The following CDC42BPA variants were observed in gnomAD, a reference collection of about 807,000 sequenced individuals.
CDC42BPA encodes CDC42 binding protein kinase alpha.
CDC42BPA carries 80 observed loss-of-function variants against 223.5 expected under a neutral mutation model. That is an observed-to-expected ratio of 0.36 (90% CI 0.30 to 0.43). The LOEUF (loss-of-function observed/expected upper bound fraction) is 0.43, where lower values mean the gene tolerates loss of function less well. Among genes scored for constraint, CDC42BPA ranks in the 20% least tolerant of loss-of-function variants. The pLI is 1.00. For missense variants in CDC42BPA, 1,743 were observed against 2,099.9 expected, an observed-to-expected ratio of 0.83 and a Z score of 3.32; for synonymous variants, 694 against 718.6, an observed-to-expected ratio of 0.97 and a Z score of 0.55.
intron 1 of CDC42BPA, among the ~76,000 whole-genome samples, chr1:227,303,007 G>GTTTT (rs201889285): frequency 8.1e-5 from 11 of 135,014 alleles, no homozygotes; most frequent in African/African-American, 2.5e-4. Context: ...GTTTTTTTGG[G>GTTTT]TTTTTTTTTT....
intron 1 of CDC42BPA, among the ~76,000 whole-genome samples, chr1:227,291,314 C>T (rs894500661): frequency 1.3e-5 from 2 of 151,938 alleles, no homozygotes; most frequent in African/African-American, 4.8e-5. Context: ...TTTGGGAGGC[C>T]GAAGCAGGCG....
intron 2 of CDC42BPA, among the ~76,000 whole-genome samples, chr1:227,248,291 T>G (rs2148202836): frequency 6.6e-6 from 1 of 152,192 alleles, no homozygotes; most frequent in South Asian, 2.1e-4. Flanking sequence ...GGTGTCCAAA[T>G]TGGAAAGAAA....
intron 23 of CDC42BPA, among the ~76,000 whole-genome samples, chr1:227,042,318 T>A (rs1671545558): frequency 1.6e-5 from 2 of 124,618 alleles, no homozygotes; most frequent in African/African-American, 3.5e-5. Context: ...ATATATATCA[T>A]ACACTTCCTC....
chr1:227,089,950 TTCTG>T (rs1432504964), intron 16 of CDC42BPA, among the ~76,000 whole-genome samples: 2 of 152,178 alleles, frequency 1.3e-5, no homozygotes, highest in African/African-American at 4.8e-5. Context: ...AATCTTAAAA[TTCTG>T]TCTTATAGGA....
At chr1:227,112,536 C>A in intron 13 of CDC42BPA, 114 bp from the exon 14 acceptor site, 1 of 958,164 alleles carries the variant, frequency 1.0e-6, no homozygotes, top group Non-Finnish European at 1.5e-6. Context: ...ATGTTTAAAT[C>A]CATATTAAAT....
chr1:227,226,787 A>G (rs1011109457), intron 2 of CDC42BPA, among the ~76,000 whole-genome samples: 14 of 152,208 alleles, frequency 9.2e-5, no homozygotes, highest in Non-Finnish European at 1.6e-4. Flanking sequence ...GACAGACAAT[A>G]TAAGTTGTCA....
intron 15 of CDC42BPA, among the ~76,000 whole-genome samples, chr1:227,093,526 G>C (rs1001157323): frequency 5.9e-5 from 9 of 152,166 alleles, no homozygotes; most frequent in African/African-American, 2.2e-4. Context: ...GTGGACTCCA[G>C]ACTGAGTGTC....
intron 5 of CDC42BPA, among the ~76,000 whole-genome samples, chr1:227,167,313 G>GC (rs1665216074): frequency 6.6e-6 from 1 of 151,238 alleles, no homozygotes; most frequent in Admixed American, 6.6e-5. Flanking sequence ...TTGTCCAAAA[G>GC]TTTTTTTTTG....
At chr1:227,145,148 GT>G (rs1270764428) in intron 8 of CDC42BPA, among the ~76,000 whole-genome samples, 1 of 152,078 alleles carries the variant, frequency 6.6e-6, no homozygotes, top group Non-Finnish European at 1.5e-5. Context: ...CAGTTTTATG[GT>G]TTTAGGGAGA....
Position 227,230,816 on chromosome 1 carries a change from C to CTTTTT in CDC42BPA, c.271-17598_271-17597insAAAAA, listed in dbSNP as rs34787332. ...ACTGATTTCTATTTCTTTTTTCTTT[C>CTTTTT]TTTCTTTTTTTTTTTTTTTTTTTGA... On this transcript the variant is annotated intron_variant, in intron 2 of 36. Coordinates refer to ENST00000366766, the MANE Select transcript of CDC42BPA (RefSeq NM_001394014.1). Among the ~76,000 whole-genome samples, 149 of 54,022 alleles carry CTTTTT rather than the reference C, an allele frequency of 2.8e-3. 1 individual carries two copies. The highest frequency in any genetic ancestry group is 9.5e-3 in the East Asian group (21 of 2,212). 35.4% of individuals were successfully genotyped at this position (54,022 alleles called of 152,430 possible).
intron 5 of CDC42BPA, among the ~76,000 whole-genome samples, chr1:227,184,862 T>C (rs1275284914): frequency 2.6e-5 from 4 of 152,220 alleles, no homozygotes; most frequent in South Asian, 2.1e-4. Flanking sequence ...AGCCACTCAT[T>C]ATTTCTACTT....
In CDC42BPA at chr1:227,017,055, T is replaced by C. The variant is rs774076384; in HGVS notation, c.4616-5A>G. 6.8e-6 allele frequency: 11 copies of C among 1,606,094 alleles called. No homozygotes were observed. In the East Asian group the frequency reaches 2.2e-4, roughly 33 times the overall value. The stretch of plus-strand genomic sequence containing the variant: ...GTACTACCAGTTCGTCCCCTTCTGT[T>C]AAAATAAAAATACAAACGATAATGA... On this transcript the variant is annotated splice_region_variant and splice_polypyrimidine_tract_variant and intron_variant, in intron 32 of 36. Transcript: ENST00000366766.
At chr1:227,254,691 T>C (rs1682751252) in intron 1 of CDC42BPA, among the ~76,000 whole-genome samples, 1 of 152,234 alleles carries the variant, frequency 6.6e-6, no homozygotes, top group Non-Finnish European at 1.5e-5. Flanking sequence ...AAGAAACTCT[T>C]AGTCTTCATT....
At chr1:227,189,310 CTAAG>C (rs1272225447) in intron 5 of CDC42BPA, among the ~76,000 whole-genome samples, 1 of 151,944 alleles carries the variant, frequency 6.6e-6, no homozygotes, top group Non-Finnish European at 1.5e-5. Context: ...GAAATGAAAA[CTAAG>C]TAAGAGTAAG....
At chr1:227,192,345 C>T (rs1483462355) in intron 5 of CDC42BPA, among the ~76,000 whole-genome samples, 1 of 152,178 alleles carries the variant, frequency 6.6e-6, no homozygotes, top group Non-Finnish European at 1.5e-5. Flanking sequence ...GCAGCAGCAT[C>T]ACCACCTGGC....
At chr1:227,029,749 A>T (rs974767173) in intron 29 of CDC42BPA, among the ~76,000 whole-genome samples, 1 of 152,198 alleles carries the variant, frequency 6.6e-6, no homozygotes, top group African/African-American at 2.4e-5. Context: ...ACCTCCAAAC[A>T]AACACATTTT....
In CDC42BPA at chr1:226,990,258, CATGAG is replaced by C. The variant is rs1321059374; in HGVS notation, c.*4005_*4009del. On this transcript the variant is annotated 3_prime_UTR_variant, in exon 37 of 37. Coordinates refer to ENST00000366766, the MANE Select transcript of CDC42BPA (RefSeq NM_001394014.1). ...ATAAAAAGACAAGTCATTTTGTTTT[CATGAG>C]ATTTCAAGGTTGATTTGAGTCAGCT... 2 of 152,200 alleles carry C rather than the reference CATGAG, an allele frequency of 1.3e-5. No individual in the cohort carries two copies. Among genetic ancestry groups the C allele is most frequent in the African/African-American group, 4.8e-5 (2 of 41,452 alleles). 9.4% of individuals were successfully genotyped at this position (152,200 alleles called of 1,614,324 possible). A position where few individuals can be genotyped will look rare whatever the true frequency, so the allele number is the denominator to read the frequency against.
chr1:227,249,230 T>C (rs773538102), intron 2 of CDC42BPA, among the ~76,000 whole-genome samples: 5 of 152,212 alleles, frequency 3.3e-5, no homozygotes, highest in Admixed American at 1.3e-4. Context: ...GATAACCATA[T>C]GCAGAAGAAG....
chr1:227,218,573 C>G (rs1675283875), intron 2 of CDC42BPA, among the ~76,000 whole-genome samples: 1 of 152,138 alleles, frequency 6.6e-6, no homozygotes, highest in South Asian at 2.1e-4. Flanking sequence ...AATTAACTTA[C>G]TCATAGTGAC....
Sources: allele counts gnomAD v4.1 joint callset (sites outside exome capture counted in the v4.1 genomes callset), GRCh38; gene constraint gnomAD v4.1.1; transcripts MANE v1.5; gene names NCBI Gene and HGNC (gene_info 2026-07-23, HGNC 2026-07-21).